Variants in WDR20 observed in about 807,000 individuals in gnomAD.
The protein encoded by WDR20 is WD repeat-containing protein 20.
In WDR20, 3 loss-of-function variants were observed where a neutral mutation model predicts 38.7. The ratio of observed to expected loss-of-function variants is 0.08; its 90% CI spans 0.04 to 0.20. The LOEUF (loss-of-function observed/expected upper bound fraction) is 0.20. WDR20 is among the 10% of genes least tolerant of loss of function. WDR20 has a pLI of 1.00. For missense variants in WDR20, 559 were observed against 727.7 expected, an observed-to-expected ratio of 0.77 and a Z score of 2.67; for synonymous variants, 298 against 285.6, an observed-to-expected ratio of 1.04 and a Z score of -0.44.
At chr14:102,194,267 C>T (rs2059041017) in intron 1 of WDR20, among the ~76,000 whole-genome samples, 1 of 152,204 alleles carries the variant, frequency 6.6e-6, no homozygotes, top group South Asian at 2.1e-4. Flanking sequence ...AGTAATGTTC[C>T]CCGAAACCTA....
intron 1 of WDR20, among the ~76,000 whole-genome samples, chr14:102,188,407 G>A (rs79776816): frequency 0.045 from 6,802 of 152,274 alleles, 180 homozygotes; most frequent in Middle Eastern, 0.068. Flanking sequence ...GCATTCCTGA[G>A]GGAAGAGTGG....
chr14:102,162,595 T>C (rs2058978065), intron 1 of WDR20, among the ~76,000 whole-genome samples: 1 of 151,874 alleles, frequency 6.6e-6, no homozygotes, highest in Admixed American at 6.6e-5. Flanking sequence ...CTTTCTTTCT[T>C]TTTCTTTCTT....
downstream of WDR20, chr14:102,214,378 G>C (rs1415006852): frequency 3.0e-6 from 3 of 985,354 alleles, no homozygotes; most frequent in Admixed American, 1.8e-4. Context: ...TCTGGCCGAA[G>C]TGAAGTCTGT....
At chr14:102,183,309 T>G (rs1032565335) in intron 1 of WDR20, among the ~76,000 whole-genome samples, 1 of 152,218 alleles carries the variant, frequency 6.6e-6, no homozygotes, top group Non-Finnish European at 1.5e-5. Flanking sequence ...CCTGGTTGGA[T>G]CAGAGATTAT....
chr14:102,178,031 A>AT (rs1250444118), intron 1 of WDR20, among the ~76,000 whole-genome samples: 1 of 152,056 alleles, frequency 6.6e-6, no homozygotes, highest in Non-Finnish European at 1.5e-5. Context: ...TGGCATCCTC[A>AT]TTTTTTATAA....
intron 1 of WDR20, among the ~76,000 whole-genome samples, chr14:102,176,996 G>A (rs2062274269): frequency 6.6e-6 from 1 of 152,120 alleles, no homozygotes; most frequent in Admixed American, 6.6e-5. Context: ...CCAAAGTGCT[G>A]GGATTACAGG....
intron 1 of WDR20, among the ~76,000 whole-genome samples, chr14:102,144,112 G>A (rs1447202277): frequency 6.6e-6 from 1 of 152,028 alleles, no homozygotes; most frequent in Admixed American, 6.6e-5. Flanking sequence ...GAAGAGTTAA[G>A]GTTACAGTGA....
At chr14:102,158,004 C>T (rs144639707) in intron 1 of WDR20, among the ~76,000 whole-genome samples, 3 of 152,088 alleles carry the variant, frequency 2.0e-5, no homozygotes, top group African/African-American at 4.8e-5. Context: ...GGGGTGCTAT[C>T]GCTTCCCTTC....
chr14:102,165,345 T>C (rs1449559917), intron 1 of WDR20, among the ~76,000 whole-genome samples: 1 of 152,248 alleles, frequency 6.6e-6, no homozygotes, highest in African/African-American at 2.4e-5. Flanking sequence ...TTATAAGAGT[T>C]TGTCAATTAA....
At position 102,202,590 on chromosome 14, in the gene WDR20, C is replaced by A. The variant is rs572402223; in HGVS notation, c.433-6013C>A. Among the ~76,000 whole-genome samples the A allele has an allele frequency of 1.7e-4, 26 of 152,022 alleles. 1 individual carries two copies. In the South Asian group the frequency reaches 5.2e-3, roughly 30 times the overall value. ...AGAGACAGGGTTTCACCATATTGGC[C>A]AGGATGGTCTCGATCTCCTGACCTC... On this transcript the variant is annotated intron_variant, in intron 2 of 2. Coordinates refer to ENST00000342702, the MANE Select transcript of WDR20 (RefSeq NM_144574.4).
downstream of WDR20, among the ~76,000 whole-genome samples, chr14:102,211,859 G>T (rs1460603710): frequency 1.3e-5 from 2 of 152,304 alleles, no homozygotes; most frequent in South Asian, 4.1e-4. This position sits in a 1 kb window ranked among gnomAD's most constrained non-coding sequence, Gnocchi z 4.2. Context: ...GAGAGTGGCC[G>T]ATCCCAAGTA....
intron 1 of WDR20, among the ~76,000 whole-genome samples, chr14:102,154,758 T>G (rs749867255): frequency 3.3e-5 from 5 of 152,198 alleles, no homozygotes; most frequent in Non-Finnish European, 7.3e-5. Context: ...CTTTGTTGCC[T>G]TTTTGTTTGT....
chr14:102,179,460 GAAAA>G (rs1226767282), intron 1 of WDR20, among the ~76,000 whole-genome samples: 2 of 130,288 alleles, frequency 1.5e-5, no homozygotes, highest in African/African-American at 5.8e-5. Flanking sequence ...AAAAAAGAAA[GAAAA>G]AAGAAATGGG....
At chr14:102,139,799 G>C, upstream of WDR20, 1 of 1,430,694 alleles carries the variant, frequency 7.0e-7, no homozygotes, top group Non-Finnish European at 9.5e-7. Context: ...TCGCAGGGCT[G>C]GCCCGCGGGT....
At chr14:102,214,845 T>C, downstream of WDR20, 1 of 984,306 alleles carries the variant, frequency 1.0e-6, no homozygotes, top group Non-Finnish European at 1.2e-6. Context: ...TTTATAATTT[T>C]AAGGAAATCA....
chr14:102,221,647 T>G lies in WDR20; in HGVS notation c.1693-1183T>G, dbSNP rs546598923. ...CCTGAGCTTGTCTAGGTGAACAGATTTCAGGTGGAAGGTAAGAAACGGGAT... is the reference window on the plus strand; with the variant it reads ...CCTGAGCTTGTCTAGGTGAACAGATGTCAGGTGGAAGGTAAGAAACGGGAT... On this transcript the variant is annotated intron_variant, in intron 3 of 3. Transcript: ENST00000335263. This position sits in a 1 kb window ranked among gnomAD's most constrained non-coding sequence, Gnocchi z 4.8. 6.6e-6 allele frequency among the ~76,000 whole-genome samples: 1 copy of G among 152,238 alleles called. No individual in the cohort carries two copies. The highest frequency in any genetic ancestry group is 6.5e-5 in the Admixed American group (1 of 15,290).
At chr14:102,189,492 T>G (rs1281609635) in intron 1 of WDR20, among the ~76,000 whole-genome samples, 1 of 152,244 alleles carries the variant, frequency 6.6e-6, no homozygotes, top group African/African-American at 2.4e-5. Flanking sequence ...TGGTTTAATG[T>G]ATTCTACAAA....
intron 1 of WDR20, among the ~76,000 whole-genome samples, chr14:102,192,944 A>C (rs1220599888): frequency 6.6e-6 from 1 of 151,868 alleles, no homozygotes; most frequent in African/African-American, 2.4e-5. Context: ...AATAACTGGG[A>C]CTACAGGCAT....
downstream of WDR20, among the ~76,000 whole-genome samples, chr14:102,218,630 C>T (rs562663471): frequency 2.0e-5 from 3 of 152,030 alleles, no homozygotes; most frequent in African/African-American, 7.3e-5. Flanking sequence ...AAACCCAAAC[C>T]AAGAGCTGGA....
Sources: gnomAD v4.1 joint callset for allele counts (sites outside exome capture counted in the v4.1 genomes callset) on GRCh38, gnomAD v4.1.1 for gene constraint, Gnocchi (gnomAD v3.1) non-coding constraint, MANE v1.5 for transcripts, NCBI Gene and HGNC (gene_info 2026-07-23, HGNC 2026-07-21) for gene names.